Variants in RANBP9 observed in about 807,000 individuals in gnomAD.
RANBP9 encodes the protein ran-binding protein 9.
Under a neutral mutation model 84.3 loss-of-function variants are expected in RANBP9, and 15 were observed. The ratio of observed to expected loss-of-function variants is 0.18; its 90% confidence interval spans 0.12 to 0.27. The LOEUF is 0.27. Ranked by LOEUF, RANBP9 falls within the 10% of genes least tolerant of loss-of-function variation. The pLI is 1.00. For synonymous variants in RANBP9, 392 were observed against 349.6 expected (o/e 1.12, Z -1.35); for missense variants, 809 against 912.8 (o/e 0.89, Z 1.46).
chr6:13,711,566 C>G lies in RANBP9; in HGVS notation c.-61G>C, dbSNP rs989307346. ...CTTCTCTCCTTCCTCCTCTGCTTCC[C>G]GGGGGCGCTGTCGCTGCGGCCGCCG... On this transcript the variant is annotated 5_prime_UTR_variant, in exon 1 of 14. Transcript: ENST00000011619. The G allele has an allele frequency of 1.5e-5, 19 of 1,228,826 alleles. No homozygotes were observed. Among genetic ancestry groups the G allele is most frequent in the Non-Finnish European group, 1.8e-5 (18 of 979,292 alleles). The allele number at this position is 1,228,826 out of a possible 1,614,324, so 76.1% of individuals were successfully genotyped here. A position where few individuals can be genotyped will look rare whatever the true frequency, so the allele number is the denominator to read the frequency against.
At chr6:13,666,372 T>G (rs1241585364) in intron 2 of RANBP9, among the ~76,000 whole-genome samples, 1 of 151,092 alleles carries the variant, frequency 6.6e-6, no homozygotes, top group Admixed American at 6.6e-5. Flanking sequence ...AGCTACAAGG[T>G]TTACGAAGGA....
At chr6:13,700,642 TTTAA>T (rs1050355478) in intron 1 of RANBP9, among the ~76,000 whole-genome samples, 31 of 152,250 alleles carry the variant, frequency 2.0e-4, no homozygotes, top group South Asian at 1.0e-3. Context: ...AACACTCACG[TTTAA>T]TTATTTTTTC....
In RANBP9 at chr6:13,641,253, T is replaced by C; in HGVS notation, c.1280A>G (p.Gln427Arg). Residue 427 changes from glutamine to arginine, a missense_variant, in exon 8 of 14, where the codon CAA (glutamine) becomes CGA (arginine). Gln to Arg is a conservative substitution (Grantham distance 43). Transcript: ENST00000011619. ...GRMGEAIETT[Q>R]QLYPSLLERN... Reference sequence around the variant, plus strand: ...TTCAAGTAAACTTGGGTATAACTGTTGTGTTGTTTCAATGGCTTCTCCCAT... The same window carrying C: ...TTCAAGTAAACTTGGGTATAACTGTCGTGTTGTTTCAATGGCTTCTCCCAT... 6.2e-7 allele frequency: 1 copy of C among 1,604,630 alleles called. No homozygotes were observed. Among genetic ancestry groups the C allele is most frequent in the Non-Finnish European group, 8.5e-7 (1 of 1,175,966 alleles).
chr6:13,668,524 C>A (rs922103224), intron 2 of RANBP9, among the ~76,000 whole-genome samples: 1 of 151,908 alleles, frequency 6.6e-6, no homozygotes, highest in African/African-American at 2.4e-5. Flanking sequence ...TAAATCATGA[C>A]CAAATGGGAT....
intron 1 of RANBP9, among the ~76,000 whole-genome samples, chr6:13,708,493 A>C (rs1252860524): frequency 1.3e-5 from 2 of 152,116 alleles, no homozygotes; most frequent in Non-Finnish European, 2.9e-5. Context: ...AAAGAAAGCA[A>C]AATACTTCTA....
At chr6:13,634,287 A>T in intron 11 of RANBP9, 144 bp downstream of exon 11, 1 of 935,394 alleles carries the variant, frequency 1.1e-6, no homozygotes, top group Non-Finnish European at 1.5e-6. Context: ...ACAAGAGTTT[A>T]AGTGCTATGC....
In RANBP9 at chr6:13,711,304, G is replaced by T; in HGVS notation, c.202C>A (p.Leu68Ile). 1 of 1,042,204 alleles carries T rather than the reference G, an allele frequency of 9.6e-7. No homozygotes were observed. The highest frequency in any genetic ancestry group is 1.2e-6 in the Non-Finnish European group (1 of 868,794). 64.6% of individuals were successfully genotyped at this position (1,042,204 alleles called of 1,614,324 possible). A position where few individuals can be genotyped will look rare whatever the true frequency, so the allele number is the denominator to read the frequency against. ...GGCGGCGGCGGCGGAGGGTGGAGGAGCAGGGCGGCCGCCGCGGCCCCTAAG... is the reference window on the plus strand; with the variant it reads ...GGCGGCGGCGGCGGAGGGTGGAGGATCAGGGCGGCCGCCGCGGCCCCTAAG... Reference protein sequence around the residue: ...EGLGAAAAALLLHPPPPPPPA... With the variant: ...EGLGAAAAALILHPPPPPPPA... Residue 68 changes from leucine (L) to isoleucine (I), a missense_variant, in exon 1 of 14, where the codon CTC (leucine) becomes ATC (isoleucine). Physicochemically the swap from Leu to Ile is conservative, Grantham distance 5 (BLOSUM62 2). Transcript: ENST00000011619.
At chr6:13,668,867 T>C (rs577897651) in intron 2 of RANBP9, among the ~76,000 whole-genome samples, 1 of 152,210 alleles carries the variant, frequency 6.6e-6, no homozygotes, top group South Asian at 2.1e-4. Flanking sequence ...TTCAACATAG[T>C]ACTGAAACTT....
chr6:13,636,173 G>C (rs146481388), intron 10 of RANBP9, among the ~76,000 whole-genome samples: 4 of 152,184 alleles, frequency 2.6e-5, no homozygotes, highest in South Asian at 2.1e-4. Context: ...CGGTATCAGG[G>C]AAAAAGCACA....
At chr6:13,622,528 T>TA in intron 13 of RANBP9, 36 bp from the exon 14 acceptor site, 2 of 1,515,694 alleles carry the variant, frequency 1.3e-6, no homozygotes, top group African/African-American at 1.4e-5. Context: ...GAACAGCAAT[T>TA]AGCAAGACAT....
intron 5 of RANBP9, among the ~76,000 whole-genome samples, chr6:13,645,267 T>C (rs1463654413): frequency 7.2e-5 from 11 of 151,872 alleles, no homozygotes; most frequent in Non-Finnish European, 1.6e-4. Flanking sequence ...ACCATAACTA[T>C]AAGCAAAACA....
intron 1 of RANBP9, among the ~76,000 whole-genome samples, chr6:13,704,724 C>T (rs1388771997): frequency 6.6e-6 from 1 of 152,046 alleles, no homozygotes; most frequent in Non-Finnish European, 1.5e-5. Flanking sequence ...CTTGTAAAAC[C>T]AGACACATAA....
intron 2 of RANBP9, among the ~76,000 whole-genome samples, chr6:13,668,559 G>A (rs904233953): frequency 3.3e-5 from 5 of 151,838 alleles, no homozygotes; most frequent in South Asian, 4.2e-4. Context: ...CATGAAGTTC[G>A]TTTAACAAAC....
chr6:13,700,170 G>T (rs1757930325), intron 1 of RANBP9, among the ~76,000 whole-genome samples: 1 of 152,136 alleles, frequency 6.6e-6, no homozygotes, highest in African/African-American at 2.4e-5. Flanking sequence ...CAATCTGATG[G>T]AAAGAGTTTG....
chr6:13,695,864 G>C (rs779607332), intron 2 of RANBP9, among the ~76,000 whole-genome samples: 1 of 152,010 alleles, frequency 6.6e-6, no homozygotes, highest in African/African-American at 2.4e-5. Flanking sequence ...CACTTATTTG[G>C]TTAATTAAAC....
intron 2 of RANBP9, among the ~76,000 whole-genome samples, chr6:13,687,209 A>C (rs543162817): frequency 6.6e-6 from 1 of 152,166 alleles, no homozygotes; most frequent in South Asian, 2.1e-4. Context: ...GACCACTCCA[A>C]AATCTACCTT....
intron 5 of RANBP9, among the ~76,000 whole-genome samples, chr6:13,647,920 C>G (rs902930011): frequency 6.6e-6 from 1 of 152,002 alleles, no homozygotes; most frequent in African/African-American, 2.4e-5. Flanking sequence ...AAACAACGGC[C>G]TTCAATGTTT....
At chr6:13,625,519 G>C in intron 13 of RANBP9, 134 bp downstream of exon 13, 1 of 508,772 alleles carries the variant, frequency 2.0e-6, no homozygotes, top group Non-Finnish European at 3.5e-6. Context: ...CTATATTTTA[G>C]GTATTTTTAT....
intron 1 of RANBP9, among the ~76,000 whole-genome samples, chr6:13,697,566 T>C (rs372483094): frequency 1.2e-4 from 19 of 152,242 alleles, no homozygotes; most frequent in African/African-American, 4.3e-4. Flanking sequence ...GAAAATCTTT[T>C]AGATAATGGC....
Sources: allele counts gnomAD v4.1 joint callset (sites outside exome capture counted in the v4.1 genomes callset), GRCh38; gene constraint gnomAD v4.1.1; transcripts MANE v1.5; gene names NCBI Gene and HGNC (gene_info 2026-07-23, HGNC 2026-07-21).